The following CYB5R2 variants were observed in gnomAD, a reference collection of about 807,000 sequenced individuals.
CYB5R2 encodes cytochrome b5 reductase 2.
Under a neutral mutation model 29.8 loss-of-function variants are expected in CYB5R2, and 35 were observed. That is an observed-to-expected ratio of 1.17 (90% CI 0.90 to 1.56). The LOEUF (loss-of-function observed/expected upper bound fraction) is 1.56, where lower values mean the gene tolerates loss of function less well. Ranked by LOEUF, CYB5R2 falls within the 40% of genes most tolerant of loss-of-function variation. The pLI, the probability that CYB5R2 is intolerant of heterozygous loss-of-function variation, is 0.00. For missense variants in CYB5R2, 419 were observed against 346.7 expected, an observed-to-expected ratio of 1.21 and a Z score of -1.66; for synonymous variants, 169 against 130.6, an observed-to-expected ratio of 1.29 and a Z score of -2.01.
At position 7,665,482 on chromosome 11, in the gene CYB5R2, C is replaced by T. The variant is rs149629484; in HGVS notation, c.723G>A (p.Ala241=). The T allele has an allele frequency of 1.3e-4, 209 of 1,613,900 alleles. 3 individuals are homozygous for T. Among genetic ancestry groups the T allele is most frequent in the South Asian group, 1.0e-3 (95 of 91,022 alleles). ...CACACACCAGGATGAGCGTGGACTT[C>T]GCTGGAGGAGGAAGGTGCTCCTTGA... ...DMIKEHLPPP[A]KSTLILVCGP... is the part of the protein sequence containing the mutation. The change falls in exon 9 of 9, where the codon GCG becomes GCA. Residue 241 remains alanine, a synonymous_variant. Coordinates refer to ENST00000299498, the MANE Select transcript of CYB5R2 (RefSeq NM_016229.5).
chr11:7,673,763 G>GGCCGGTGC (rs143831614), upstream of CYB5R2: 64,719 of 986,932 alleles, frequency 0.066, 3,467 homozygotes, highest in African/African-American at 0.25. Context: ...GTTGGCCGGG[G>GGCCGGTGC]GCCGCTCCCC....
intron 1 of CYB5R2, 106 bp downstream of exon 1, chr11:7,673,313 C>A: frequency 1.0e-6 from 1 of 980,226 alleles, no homozygotes; most frequent in Non-Finnish European, 1.2e-6. Flanking sequence ...AGAGGTGCCC[C>A]GTGACTTAGG....
intron 3 of CYB5R2, 116 bp from the exon 4 acceptor site, chr11:7,669,847 G>T: frequency 1.3e-6 from 1 of 779,624 alleles, no homozygotes. Flanking sequence ...TGTTAAGAGG[G>T]GTGGGAAGAA....
rs756628440 is a variant in CYB5R2 at position 7,669,646 on chromosome 11, G to T, written c.237C>A (p.Gly79=). ...TTACCTTTATAATTAGGTCCACAAA[G>T]CCTCTGTCATCATCACTGGAGACAG... ...YTPVSSDDDR[G]FVDLIIKIYF... Residue 79 remains glycine (G), a synonymous_variant, in exon 4 of 9, where the codon GGC becomes GGA. Coordinates refer to ENST00000299498, the MANE Select transcript of CYB5R2 (RefSeq NM_016229.5). 1.9e-6 allele frequency: 3 copies of T among 1,606,248 alleles called. No homozygotes were observed. Among genetic ancestry groups the T allele is most frequent in the Admixed American group, 1.7e-5 (1 of 58,262 alleles).
chr11:7,667,870 C>G, intron 6 of CYB5R2, 57 bp from the exon 7 acceptor site: 1 of 1,406,422 alleles, frequency 7.1e-7, no homozygotes, highest in Non-Finnish European at 1.0e-6. Context: ...CCCACAGTCC[C>G]TGACCTGCAG....
chr11:7,667,924 T>C, intron 6 of CYB5R2, 111 bp from the exon 7 acceptor site: 1 of 874,880 alleles, frequency 1.1e-6, no homozygotes, highest in South Asian at 1.4e-5. Context: ...CTTTTCTCAC[T>C]TCTGTCCCCA....
Position 7,669,298 on chromosome 11 carries a change from C to T in CYB5R2, c.295G>A (p.Gly99Ser). ...FKNVHPQYPE[G>S]GKMTQYLENM... ...TCCAAATACTGAGTCATCTTCCCAC[C>T]TTCAGGATATTGGGGGTGTACATTT... The change falls in exon 5 of 9, where the codon GGT becomes AGT. Residue 99 changes from glycine (G) to serine (S), a missense_variant. Gly to Ser is a moderately conservative substitution (Grantham distance 56). Transcript: ENST00000299498. 1 of 1,614,100 alleles carries T rather than the reference C, an allele frequency of 6.2e-7. No homozygotes were observed. Among genetic ancestry groups the T allele is most frequent in the Non-Finnish European group, 8.5e-7 (1 of 1,179,990 alleles).
chr11:7,670,331 CG>C (rs1235070047), intron 3 of CYB5R2: 2 of 145,972 alleles, frequency 1.4e-5, no homozygotes, highest in African/African-American at 5.1e-5. Context: ...CCAGCCTGGA[CG>C]ACAGAATGAG....
intron 1 of CYB5R2, 114 bp downstream of exon 1, chr11:7,673,305 A>T: frequency 1.1e-6 from 1 of 926,520 alleles, no homozygotes; most frequent in Non-Finnish European, 1.3e-6. Flanking sequence ...TAGCTCTAAG[A>T]GGTGCCCCGT....
At chr11:7,672,407 C>T in intron 3 of CYB5R2, 44 bp downstream of exon 3, 1 of 1,543,248 alleles carries the variant, frequency 6.5e-7, no homozygotes. Context: ...GAGGGCCTAG[C>T]CCCCAGAGGC....
chr11:7,672,655 G>A (rs1408558671), intron 2 of CYB5R2, 93 bp downstream of exon 2: 6 of 1,495,772 alleles, frequency 4.0e-6, no homozygotes. Context: ...GCGGCGGGGA[G>A]TGAACTGGAG....
chr11:7,667,841 T>C (rs1267128467), intron 6 of CYB5R2, 28 bp from the exon 7 acceptor site: 1 of 1,593,750 alleles, frequency 6.3e-7, no homozygotes. Context: ...AGCAGCCAGC[T>C]TTCTCCCTGT....
intron 8 of CYB5R2, chr11:7,665,995 C>G (rs983960087): frequency 7.8e-7 from 1 of 1,285,434 alleles, no homozygotes; most frequent in African/African-American, 1.5e-5. Flanking sequence ...CTGTGGGGTG[C>G]TCTGTGCACA....
chr11:7,673,297 G>C, intron 1 of CYB5R2, 122 bp downstream of exon 1: 4 of 891,108 alleles, frequency 4.5e-6, no homozygotes, highest in Non-Finnish European at 5.6e-6. Flanking sequence ...AGGGTGCGTA[G>C]CTCTAAGAGG....
intron 3 of CYB5R2, chr11:7,671,719 G>GGCAA (rs1294749550): frequency 1.3e-5 from 2 of 152,330 alleles, no homozygotes; most frequent in Admixed American, 6.5e-5. Context: ...CCACCAGGCA[G>GGCAA]GCAAGCAGCA....
intron 3 of CYB5R2, chr11:7,670,364 A>AG (rs1855652241): frequency 6.8e-6 from 1 of 147,106 alleles, no homozygotes; most frequent in African/African-American, 2.5e-5. Context: ...AAAAAAAAAA[A>AG]AAAATTAGAA....
chr11:7,667,741 A>C lies in CYB5R2; in HGVS notation c.545T>G (p.Ile182Ser), dbSNP rs1424949556. 6.2e-7 allele frequency: 1 copy of C among 1,614,010 alleles called. No individual in the cohort carries two copies. The highest frequency in any genetic ancestry group is 1.3e-5 in the African/African-American group (1 of 74,912). Reference protein sequence around the residue: ...DPSDRTRMSLIFANQTEEDIL... With the variant: ...DPSDRTRMSLSFANQTEEDIL... Reference sequence around the variant, plus strand: ...GCAGGAACTGACCTGGTTGGCAAAGATGAGGGACATCCTGGTCCTGTCACT... The same window carrying C: ...GCAGGAACTGACCTGGTTGGCAAAGCTGAGGGACATCCTGGTCCTGTCACT... The change falls in exon 7 of 9, where the codon ATC becomes AGC. Residue 182 changes from isoleucine to serine, a missense_variant. By Grantham distance (142) the Ile-to-Ser change is moderately radical. Transcript: ENST00000299498.
intron 8 of CYB5R2, chr11:7,665,854 TG>T: frequency 6.5e-7 from 1 of 1,536,018 alleles, no homozygotes; most frequent in East Asian, 2.4e-5. Flanking sequence ...TACAGCCAGC[TG>T]GAGTTGTCCG....
At chr11:7,669,107 C>T (rs551444263) in intron 5 of CYB5R2, 98 bp downstream of exon 5, 3 of 1,453,688 alleles carry the variant, frequency 2.1e-6, no homozygotes, top group South Asian at 2.3e-5. Flanking sequence ...CTAAGGACAA[C>T]CCCATGTGAC....
Sources: gnomAD v4.1 joint callset for allele counts on GRCh38, gnomAD v4.1.1 for gene constraint, MANE v1.5 for transcripts, NCBI Gene and HGNC (gene_info 2026-07-23, HGNC 2026-07-21) for gene names.